UBE2G1: variants seen among roughly 807,000 people sequenced by gnomAD.
UBE2G1 encodes ubiquitin conjugating enzyme E2 G1.
UBE2G1 carries 5 observed loss-of-function variants against 22.7 expected under a neutral mutation model. The observed-to-expected ratio is 0.22, with a 90% CI of 0.12 to 0.46. UBE2G1 has a LOEUF of 0.46. Among genes scored for constraint, UBE2G1 ranks in the 20% least tolerant of loss-of-function variants. UBE2G1 has a pLI of 0.99. For missense variants in UBE2G1, 88 were observed against 203.9 expected (o/e 0.43, Z 3.46); for synonymous variants, 74 against 67.5 (o/e 1.10, Z -0.47).
chr17:4,296,588 G>T, intron 3 of UBE2G1, 129 bp downstream of exon 3: 2 of 924,186 alleles, frequency 2.2e-6, no homozygotes, highest in Non-Finnish European at 3.5e-6. Context: ...ACACAGCCAT[G>T]TGCACAATGA....
intron 1 of UBE2G1, among the ~76,000 whole-genome samples, chr17:4,316,130 G>A (rs1432514770): frequency 6.6e-6 from 1 of 152,072 alleles, no homozygotes; most frequent in Non-Finnish European, 1.5e-5. Flanking sequence ...TGTTGGCTAA[G>A]TCTAACTTCT....
chr17:4,316,938 TA>T lies in UBE2G1; in HGVS notation c.47-9816del, dbSNP rs33950725. Among the ~76,000 whole-genome samples the T allele has an allele frequency of 3.6e-3, 488 of 134,278 alleles. 4 individuals carry two copies. Among genetic ancestry groups the T allele is most frequent in the East Asian group, 0.028 (128 of 4,636 alleles). The allele number at this position is 134,278 out of a possible 152,430, so 88.1% of individuals were successfully genotyped here. On this transcript the variant is annotated intron_variant, in intron 1 of 5. Transcript: ENST00000396981. ...TTGGAGCAAGACCATGTCTCTTGAATAAAAAAAAAAAAAAAAAAAATCAAGG... is the reference window on the plus strand; with the variant it reads ...TTGGAGCAAGACCATGTCTCTTGAATAAAAAAAAAAAAAAAAAAATCAAGG...
chr17:4,300,994 A>G (rs943880203), intron 2 of UBE2G1, among the ~76,000 whole-genome samples: 3 of 152,146 alleles, frequency 2.0e-5, no homozygotes, highest in African/African-American at 7.2e-5. Context: ...GAAAGTGTTT[A>G]AAAACCCAGG....
chr17:4,361,249 A>G (rs902804510), intron 1 of UBE2G1, among the ~76,000 whole-genome samples: 2 of 149,550 alleles, frequency 1.3e-5, no homozygotes, highest in Non-Finnish European at 3.0e-5. Context: ...AATAGAGGCC[A>G]GGGGTGGTGG....
rs991033175 is a variant in UBE2G1 at position 4,366,612 on chromosome 17, C to A, written c.-296G>T. The A allele has an allele frequency of 6.2e-6, 2 of 322,014 alleles. No individual in the cohort carries two copies. The highest frequency in any genetic ancestry group is 5.2e-5 in the East Asian group (1 of 19,274). The allele number at this position is 322,014 out of a possible 1,614,324, so 19.9% of individuals were successfully genotyped here. A position where few individuals can be genotyped will look rare whatever the true frequency, so the allele number is the denominator to read the frequency against. On this transcript the variant is annotated 5_prime_UTR_variant, in exon 1 of 6. Transcript: ENST00000396981. Reference sequence around the variant, plus strand: ...CCTTCAACCCGCCCGTCGGCCCCACCGGTGCCTTCCCCCGCCACTGCCTCA... The same window carrying A: ...CCTTCAACCCGCCCGTCGGCCCCACAGGTGCCTTCCCCCGCCACTGCCTCA...
At chr17:4,357,325 T>C (rs1172353820) in intron 1 of UBE2G1, among the ~76,000 whole-genome samples, 1 of 152,052 alleles carries the variant, frequency 6.6e-6, no homozygotes, top group Non-Finnish European at 1.5e-5. Flanking sequence ...TGTGTTATTA[T>C]TGTTGTTAGA....
intron 2 of UBE2G1, chr17:4,302,836 T>C (rs745800776): frequency 6.4e-5 from 11 of 173,098 alleles, no homozygotes; most frequent in Non-Finnish European, 9.8e-5. Flanking sequence ...CAAATACACC[T>C]ATTTCAAAGT....
At position 4,327,438 on chromosome 17, in the gene UBE2G1, C is replaced by T. The variant is rs1038349918; in HGVS notation, c.47-20315G>A. 2.6e-5 allele frequency among the ~76,000 whole-genome samples: 4 copies of T among 152,096 alleles called. No homozygotes were observed. In the East Asian group the frequency reaches 7.7e-4, roughly 29 times the overall value. On this transcript the variant is annotated intron_variant, in intron 1 of 5. Transcript: ENST00000396981. ...ACTGAGCCAAGATCACACCACTGCA[C>T]CCCAGCCTGGGCAACAGAGCGAGAC...
chr17:4,273,607 T>C (rs1296989938), intron 5 of UBE2G1, among the ~76,000 whole-genome samples: 1 of 151,728 alleles, frequency 6.6e-6, no homozygotes, highest in African/African-American at 2.4e-5. Context: ...CCTCCCAAAG[T>C]GTTGGGATTA....
At chr17:4,296,473 G>A (rs1310269664) in intron 3 of UBE2G1, among the ~76,000 whole-genome samples, 1 of 152,134 alleles carries the variant, frequency 6.6e-6, no homozygotes, top group Non-Finnish European at 1.5e-5. Flanking sequence ...ATGTTTGCCA[G>A]GCTGGTCTCC....
intron 1 of UBE2G1, among the ~76,000 whole-genome samples, chr17:4,312,532 T>C (rs961159626): frequency 6.6e-6 from 1 of 151,220 alleles, no homozygotes. Context: ...CCGTCTCTAC[T>C]AAAAATGCAA....
At chr17:4,286,282 G>A (rs1968961944) in intron 4 of UBE2G1, among the ~76,000 whole-genome samples, 1 of 151,792 alleles carries the variant, frequency 6.6e-6, no homozygotes, top group Non-Finnish European at 1.5e-5. Context: ...GCAGATGCCT[G>A]TAATCCCAGC....
intron 1 of UBE2G1, among the ~76,000 whole-genome samples, chr17:4,326,669 C>A (rs1010341719): frequency 6.6e-6 from 1 of 152,080 alleles, no homozygotes. Flanking sequence ...ACAGTCAAAA[C>A]GTGGAAACAA....
At chr17:4,325,609 CCAA>C (rs1228875869) in intron 1 of UBE2G1, among the ~76,000 whole-genome samples, 2 of 152,190 alleles carry the variant, frequency 1.3e-5, no homozygotes, top group African/African-American at 4.8e-5. Flanking sequence ...TATCAAAATC[CCAA>C]CAACTTTTGG....
intron 1 of UBE2G1, among the ~76,000 whole-genome samples, chr17:4,327,537 T>TG (rs1477276592): frequency 6.6e-6 from 1 of 151,910 alleles, no homozygotes. Context: ...GAAAATAGAA[T>TG]GGGGGTTGCC....
At chr17:4,311,996 C>G (rs1348068570) in intron 1 of UBE2G1, among the ~76,000 whole-genome samples, 1 of 149,548 alleles carries the variant, frequency 6.7e-6, no homozygotes, top group East Asian at 2.0e-4. Flanking sequence ...CCTGTAATCC[C>G]GACACTTTGG....
rs527367732 is a variant in UBE2G1 at position 4,280,730 on chromosome 17, C to T, written c.*37+2068G>A. On this transcript the variant is annotated intron_variant, in intron 5 of 5. Transcript: ENST00000396981. ...TCGGCTCACCGCAACCTCCGCCTCCCGGGTTCAAGCGATTCTCCTGCCTCA... is the reference window on the plus strand; with the variant it reads ...TCGGCTCACCGCAACCTCCGCCTCCTGGGTTCAAGCGATTCTCCTGCCTCA... Among the ~76,000 whole-genome samples the T allele has an allele frequency of 6.7e-5, 10 of 148,354 alleles. No individual in the cohort carries two copies. In the South Asian group the frequency reaches 1.5e-3, roughly 22 times the overall value.
chr17:4,301,452 A>C lies in UBE2G1; in HGVS notation c.150-4638T>G, dbSNP rs182133285. ...GTTATTGATGTGTTTCCTTGGCTTC[A>C]GCAGCTATTTTTGCTATAATAATCC... On this transcript the variant is annotated intron_variant, in intron 2 of 5. Transcript: ENST00000396981. 3.2e-4 allele frequency: 235 copies of C among 726,118 alleles called. No homozygotes were observed. In the African/African-American group the frequency reaches 3.8e-3, roughly 12 times the overall value. 45.0% of individuals were successfully genotyped at this position (726,118 alleles called of 1,614,324 possible). A position where few individuals can be genotyped will look rare whatever the true frequency, so the allele number is the denominator to read the frequency against.
At chr17:4,338,155 G>A (rs1969670660) in intron 1 of UBE2G1, among the ~76,000 whole-genome samples, 1 of 150,338 alleles carries the variant, frequency 6.7e-6, no homozygotes, top group Non-Finnish European at 1.5e-5. Flanking sequence ...AGGCGACAGA[G>A]CGAGACTCCA....
Sources: gnomAD v4.1 joint callset for allele counts (sites outside exome capture counted in the v4.1 genomes callset) on GRCh38, gnomAD v4.1.1 for gene constraint, MANE v1.5 for transcripts, NCBI Gene and HGNC (gene_info 2026-07-23, HGNC 2026-07-21) for gene names.